The following FHIT variants were observed in gnomAD, a reference collection of about 807,000 sequenced individuals.
FHIT encodes the protein bis(5'-adenosyl)-triphosphatase.
Under a neutral mutation model 17.9 loss-of-function variants are expected in FHIT, and 19 were observed. The observed-to-expected ratio is 1.06, with a 90% CI of 0.74 to 1.56. FHIT has a LOEUF of 1.56. Ranked by LOEUF, FHIT falls within the 40% of genes most tolerant of loss-of-function variation. The probability of loss-of-function intolerance (pLI) is 0.00; values close to 1 mark genes in which losing one functional copy is unlikely to be tolerated. For missense variants in FHIT, 248 were observed against 189.2 expected (o/e 1.31, Z -1.82); for synonymous variants, 81 against 69.7 (o/e 1.16, Z -0.81).
chr3:60,525,884 C>T (rs931767927), intron 5 of FHIT, among the ~76,000 whole-genome samples: 2 of 152,040 alleles, frequency 1.3e-5, no homozygotes, highest in African/African-American at 4.8e-5. Flanking sequence ...AGGTAGATTG[C>T]TTGAGCTCAG....
rs117810772 is a variant in FHIT at position 60,684,967 on chromosome 3, C to T, written c.-18+136952G>A. On this transcript the variant is annotated intron_variant, in intron 4 of 9. Coordinates refer to ENST00000492590, the MANE Select transcript of FHIT (RefSeq NM_002012.4). Reference sequence around the variant, plus strand: ...TGAGCTTTCTTCTTTTCCTTAGAAACAGGAGATAACTTGTCCTCCCTACGC... The same window carrying T: ...TGAGCTTTCTTCTTTTCCTTAGAAATAGGAGATAACTTGTCCTCCCTACGC... 1.8e-4 allele frequency among the ~76,000 whole-genome samples: 28 copies of T among 152,256 alleles called. No individual in the cohort carries two copies. The East Asian group carries it at 4.5e-3, about 24-fold the overall frequency.
chr3:60,435,921 GT>G (rs1313555587), intron 5 of FHIT, among the ~76,000 whole-genome samples: 1 of 152,074 alleles, frequency 6.6e-6, no homozygotes, highest in Non-Finnish European at 1.5e-5. Context: ...TTGGTTTTCT[GT>G]TCCTGCATTC....
At chr3:59,947,570 T>C (rs1706876529) in intron 7 of FHIT, among the ~76,000 whole-genome samples, 1 of 152,192 alleles carries the variant, frequency 6.6e-6, no homozygotes, top group Non-Finnish European at 1.5e-5. Flanking sequence ...AGAGGTTCAG[T>C]TGATGAGCTT....
At chr3:60,782,163 C>T (rs1339835613) in intron 4 of FHIT, among the ~76,000 whole-genome samples, 1 of 151,768 alleles carries the variant, frequency 6.6e-6, no homozygotes, top group Non-Finnish European at 1.5e-5. Context: ...GCTTGGTCCA[C>T]CCATGTGGTC....
chr3:59,837,477 C>T (rs534915544), intron 8 of FHIT, among the ~76,000 whole-genome samples: 1 of 152,066 alleles, frequency 6.6e-6, no homozygotes, highest in African/African-American at 2.4e-5. Flanking sequence ...ACAATTCCCC[C>T]CACCCCCCAA....
intron 5 of FHIT, among the ~76,000 whole-genome samples, chr3:60,255,266 G>A (rs752005999): frequency 3.9e-5 from 6 of 151,998 alleles, no homozygotes; most frequent in East Asian, 1.9e-4. Flanking sequence ...AATGAGATGC[G>A]GGAATACATT....
intron 2 of FHIT, among the ~76,000 whole-genome samples, chr3:61,173,438 G>T (rs2038068528): frequency 6.6e-6 from 1 of 152,116 alleles, no homozygotes; most frequent in Non-Finnish European, 1.5e-5. Context: ...TGTTTCTAAA[G>T]ACCTGTGGTA....
intron 4 of FHIT, among the ~76,000 whole-genome samples, chr3:60,607,577 T>A (rs1463681187): frequency 6.6e-6 from 1 of 152,088 alleles, no homozygotes; most frequent in East Asian, 1.9e-4. Flanking sequence ...ACATTCATTG[T>A]GTACTGAGTT....
chr3:60,234,670 G>C (rs991702162), intron 5 of FHIT, among the ~76,000 whole-genome samples: 1 of 152,196 alleles, frequency 6.6e-6, no homozygotes, highest in Non-Finnish European at 1.5e-5. Flanking sequence ...CCTGGCTGCT[G>C]AAAGAATTGA....
intron 5 of FHIT, among the ~76,000 whole-genome samples, chr3:60,222,951 C>A (rs1298071635): frequency 1.3e-5 from 2 of 152,184 alleles, no homozygotes; most frequent in African/African-American, 4.8e-5. Flanking sequence ...ACCAGCCTAA[C>A]AGTAATAACT....
intron 8 of FHIT, among the ~76,000 whole-genome samples, chr3:59,795,721 G>A (rs997846174): frequency 6.6e-5 from 10 of 152,024 alleles, no homozygotes; most frequent in African/African-American, 2.2e-4. Flanking sequence ...AGCAAAACCC[G>A]GTCTCAAAAA....
In FHIT at chr3:60,494,176, A is replaced by G. The variant is rs370168343; in HGVS notation, c.103+42684T>C. 5.3e-5 allele frequency among the ~76,000 whole-genome samples: 8 copies of G among 152,322 alleles called. No homozygotes were observed. In the East Asian group the frequency reaches 1.5e-3, roughly 29 times the overall value. ...TCCAGAATGTTTTCATCATCCCAAA[A>G]GAAAACTCTGTGGCCATTACAGCCA... On this transcript the variant is annotated intron_variant, in intron 5 of 9. Transcript: ENST00000492590.
chr3:60,576,481 C>A (rs528357590), intron 4 of FHIT, among the ~76,000 whole-genome samples: 1 of 152,216 alleles, frequency 6.6e-6, no homozygotes, highest in South Asian at 2.1e-4. Context: ...AAAACAGTTT[C>A]TTTGCCCCGA....
At chr3:59,838,305 A>G (rs760805184) in intron 8 of FHIT, among the ~76,000 whole-genome samples, 5 of 152,234 alleles carry the variant, frequency 3.3e-5, no homozygotes, top group South Asian at 2.1e-4. Context: ...TTCTGCTACA[A>G]TGTTTCTGCC....
In FHIT at chr3:61,194,269, C is replaced by T. The variant is rs138425006; in HGVS notation, c.-164+6348G>A. ...TAGGGAAGAGGAATTCTGGTTTATA[C>T]GACTTGCTTAAGGGGAGGAAGAGAA... is the stretch of plus-strand genomic sequence containing the variant. On this transcript the variant is annotated intron_variant, in intron 2 of 9. Coordinates refer to ENST00000492590, the MANE Select transcript of FHIT (RefSeq NM_002012.4). 2.1e-4 allele frequency among the ~76,000 whole-genome samples: 32 copies of T among 152,138 alleles called. No individual in the cohort carries two copies. The East Asian group carries it at 5.6e-3, about 27-fold the overall frequency.
In FHIT at chr3:60,649,558, G is replaced by A. The variant is rs566385500; in HGVS notation, c.-17-112579C>T. Among the ~76,000 whole-genome samples, 5 of 152,178 alleles carry A rather than the reference G, an allele frequency of 3.3e-5. No individual in the cohort carries two copies. The East Asian group carries it at 5.8e-4, about 18-fold the overall frequency. ...ATACTATACTGAAATTATAAATGACGATATAAAATTCTATGGACATGATAC... is the reference window on the plus strand; with the variant it reads ...ATACTATACTGAAATTATAAATGACAATATAAAATTCTATGGACATGATAC... On this transcript the variant is annotated intron_variant, in intron 4 of 9. Coordinates refer to ENST00000492590, the MANE Select transcript of FHIT (RefSeq NM_002012.4).
intron 4 of FHIT, among the ~76,000 whole-genome samples, chr3:60,693,358 C>T (rs2041037532): frequency 6.6e-6 from 1 of 152,110 alleles, no homozygotes; most frequent in African/African-American, 2.4e-5. Context: ...TTTCGTATAG[C>T]AGTAATTTCC....
intron 3 of FHIT, among the ~76,000 whole-genome samples, chr3:60,999,578 T>C (rs566737750): frequency 1.3e-5 from 2 of 151,734 alleles, no homozygotes; most frequent in African/African-American, 2.4e-5. Flanking sequence ...TAGAAAAAGA[T>C]AGAATATCTG....
At chr3:60,251,633 G>A (rs1334617050) in intron 5 of FHIT, among the ~76,000 whole-genome samples, 1 of 152,154 alleles carries the variant, frequency 6.6e-6, no homozygotes, top group Non-Finnish European at 1.5e-5. Flanking sequence ...CTCCATGCAT[G>A]TTGTGTGTGT....
Sources: allele counts gnomAD v4.1 joint callset (sites outside exome capture counted in the v4.1 genomes callset), GRCh38; gene constraint gnomAD v4.1.1; transcripts MANE v1.5; gene names NCBI Gene and HGNC (gene_info 2026-07-23, HGNC 2026-07-21).